Variants in ZMYM4 observed in about 807,000 individuals in gnomAD.
ZMYM4 encodes the protein zinc finger MYM-type containing 4, also known as zinc finger MYM-type protein 4.
A neutral mutation model predicts 183.2 loss-of-function variants in ZMYM4; 31 were observed. The observed-to-expected ratio is 0.17, with a 90% CI of 0.13 to 0.23. ZMYM4 has a LOEUF of 0.23. Among genes scored for constraint, ZMYM4 ranks in the 10% least tolerant of loss-of-function variants. The probability of loss-of-function intolerance (pLI) is 1.00; values close to 1 mark genes in which losing one functional copy is unlikely to be tolerated. For synonymous variants in ZMYM4, 592 were observed against 631.2 expected (o/e 0.94, Z 0.93); for missense variants, 1,273 against 1,840.3 (o/e 0.69, Z 5.64).
chr1:35,269,116 G>A (rs1368567203), intron 1 of ZMYM4, 31 bp downstream of exon 1: 4 of 1,543,738 alleles, frequency 2.6e-6, no homozygotes. Flanking sequence ...CTCGGGCGGC[G>A]GGGGGCGGGG....
At chr1:35,401,699 C>T (rs1644912058) in intron 23 of ZMYM4, among the ~76,000 whole-genome samples, 1 of 152,082 alleles carries the variant, frequency 6.6e-6, no homozygotes, top group South Asian at 2.1e-4. Flanking sequence ...CTCATAGTAA[C>T]TAAGACATTC....
At chr1:35,391,636 G>T (rs943754985) in intron 15 of ZMYM4, among the ~76,000 whole-genome samples, 1 of 152,200 alleles carries the variant, frequency 6.6e-6, no homozygotes, top group African/African-American at 2.4e-5. Flanking sequence ...CATTGGTATT[G>T]TGTGTTTGAG....
At chr1:35,355,585 T>C (rs185858883) in intron 2 of ZMYM4, among the ~76,000 whole-genome samples, 16 of 152,304 alleles carry the variant, frequency 1.1e-4, no homozygotes, top group African/African-American at 3.8e-4. Flanking sequence ...AAATAAAACC[T>C]TTTAAATCAG....
At chr1:35,370,918 G>A (rs939829927) in intron 7 of ZMYM4, 2 of 261,792 alleles carry the variant, frequency 7.6e-6, no homozygotes, top group African/African-American at 2.2e-5. Context: ...AACAAAAAGT[G>A]CACATTTAGG....
intron 7 of ZMYM4, among the ~76,000 whole-genome samples, chr1:35,377,617 T>C (rs1644363294): frequency 6.6e-6 from 1 of 152,260 alleles, no homozygotes; most frequent in South Asian, 2.1e-4. Flanking sequence ...GTGTTTATAC[T>C]GTAGTCTGTG....
intron 2 of ZMYM4, among the ~76,000 whole-genome samples, chr1:35,346,482 C>A (rs1405435467): frequency 6.6e-6 from 1 of 151,910 alleles, no homozygotes; most frequent in African/African-American, 2.4e-5. Flanking sequence ...GAAACCCTGC[C>A]TGTACTACAA....
rs1558150658 is a variant in ZMYM4 at position 35,390,019 on chromosome 1, A to G, written c.2508A>G (p.Lys836=). 1 of 1,613,964 alleles carries G rather than the reference A, an allele frequency of 6.2e-7. No homozygotes were observed. The highest frequency in any genetic ancestry group is 1.3e-5 in the African/African-American group (1 of 75,014). Residue 836 remains lysine, a synonymous_variant, in exon 15 of 30, where the codon AAA becomes AAG. Transcript: ENST00000314607. ...SESLKWRGEM[K]HFCNLLCILM... ...CCTTGAAATGGCGAGGGGAAATGAA[A>G]CATTTCTGTAACCTGCTTTGTATCT...
rs538583464 is a variant in ZMYM4, at chr1:35,372,843, A to T, written c.1181+2216A>T. 2.0e-5 allele frequency among the ~76,000 whole-genome samples: 3 copies of T among 152,316 alleles called. No individual in the cohort carries two copies. The South Asian group carries it at 6.2e-4, about 32-fold the overall frequency. On this transcript the variant is annotated intron_variant, in intron 7 of 29. Coordinates refer to ENST00000314607, the MANE Select transcript of ZMYM4 (RefSeq NM_005095.3). ...AGCATTTTGGATTTCTGGATTAGGG[A>T]TACTCAGCCTGTTCTTTAAAATATG... is the stretch of plus-strand genomic sequence containing the variant.
intron 5 of ZMYM4, among the ~76,000 whole-genome samples, chr1:35,365,410 A>C (rs973449200): frequency 6.6e-6 from 1 of 152,096 alleles, no homozygotes; most frequent in Admixed American, 6.5e-5. Flanking sequence ...CATTCAGTAA[A>C]TACTACATTA....
chr1:35,405,263 G>T (rs1324581371), intron 24 of ZMYM4, 69 bp downstream of exon 24: 9 of 1,583,698 alleles, frequency 5.7e-6, no homozygotes, highest in Non-Finnish European at 7.7e-6. Flanking sequence ...TACTGAAAAG[G>T]GATACATTTT....
At chr1:35,375,619 A>T (rs2148950127) in intron 7 of ZMYM4, among the ~76,000 whole-genome samples, 1 of 152,328 alleles carries the variant, frequency 6.6e-6, no homozygotes, top group South Asian at 2.1e-4. Flanking sequence ...AGCAGCACTT[A>T]GGTTAGAAGA....
chr1:35,362,163 G>A (rs570858066), intron 5 of ZMYM4, among the ~76,000 whole-genome samples: 2 of 152,288 alleles, frequency 1.3e-5, no homozygotes, highest in South Asian at 2.1e-4. Flanking sequence ...TGAAGTACAG[G>A]CTATATATGG....
At chr1:35,364,412 A>G (rs1288252092) in intron 5 of ZMYM4, among the ~76,000 whole-genome samples, 1 of 152,154 alleles carries the variant, frequency 6.6e-6, no homozygotes, top group Non-Finnish European at 1.5e-5. Context: ...AATCCCCCAG[A>G]GCAGCTCTCA....
chr1:35,281,588 T>G (rs1417825570), intron 1 of ZMYM4, among the ~76,000 whole-genome samples: 1 of 151,884 alleles, frequency 6.6e-6, no homozygotes, highest in East Asian at 1.9e-4. Context: ...TACATACGTG[T>G]GTATCAAAAC....
At chr1:35,305,689 A>G (rs1009024465) in intron 1 of ZMYM4, among the ~76,000 whole-genome samples, 2 of 151,974 alleles carry the variant, frequency 1.3e-5, no homozygotes, top group Non-Finnish European at 2.9e-5. Context: ...AACTACAGGT[A>G]CACACCACTG....
intron 25 of ZMYM4, among the ~76,000 whole-genome samples, chr1:35,407,647 T>C (rs1211636970): frequency 6.6e-6 from 1 of 152,176 alleles, no homozygotes; most frequent in Non-Finnish European, 1.5e-5. Context: ...TTTTTGTGTA[T>C]CCTCAGATTG....
rs1227501763 is a variant in ZMYM4, at chr1:35,269,078, G to A, written c.32G>A (p.Arg11Gln). The A allele has an allele frequency of 7.7e-6, 12 of 1,549,376 alleles. No individual in the cohort carries two copies. Among genetic ancestry groups the A allele is most frequent in the South Asian group, 1.2e-5 (1 of 83,972 alleles). ...GAGAGAGAGGTGGAGTCCGGCCCCC[G>A]AAAGAGGGTAGGTGAGGTGAGGCAG... MAEREVESGP[R>Q]KRFEQKSGAV... is the part of the protein sequence containing the mutation. Residue 11 changes from arginine (R) to glutamine (Q), a missense_variant, in exon 1 of 30, where the codon CGA (arginine) becomes CAA (glutamine). Physicochemically the swap from Arg to Gln is conservative, Grantham distance 43 (BLOSUM62 1). Coordinates refer to ENST00000314607, the MANE Select transcript of ZMYM4 (RefSeq NM_005095.3).
chr1:35,359,386 T>G lies in ZMYM4; in HGVS notation c.547T>G (p.Leu183Val). Residue 183 changes from leucine to valine, a missense_variant, in exon 3 of 30, where the codon TTG (leucine) becomes GTG (valine). Leu to Val is a conservative substitution (Grantham distance 32). Around this residue, in one of 6 missense-constraint regions of ZMYM4, gnomAD observed 384 missense variants for 465.6 expected, o/e 0.82. Transcript: ENST00000314607. ...CCTAACTTATGAACGTGAAAAACGG[T>G]TGGATAAACCCCATAAAGATTTGGA... ...RDLTYEREKR[L>V]DKPHKDLDSR... The G allele has an allele frequency of 5.6e-6, 9 of 1,594,702 alleles. No individual in the cohort carries two copies. Among genetic ancestry groups the G allele is most frequent in the Non-Finnish European group, 7.7e-6 (9 of 1,174,958 alleles).
rs1173400246 is a variant in ZMYM4, at chr1:35,420,595, GT to G, written c.*922del. The stretch of plus-strand genomic sequence containing the variant: ...CCCCAATGGCAGCTTTTCTCCCGTT[GT>G]TTTACCTTCCTATTTCCCAAACAGT... On this transcript the variant is annotated 3_prime_UTR_variant, in exon 30 of 30. Coordinates refer to ENST00000314607, the MANE Select transcript of ZMYM4 (RefSeq NM_005095.3). The G allele has an allele frequency of 6.6e-6, 1 of 152,454 alleles. No homozygotes were observed. Among genetic ancestry groups the G allele is most frequent in the Non-Finnish European group, 1.5e-5 (1 of 67,992 alleles). 9.4% of individuals were successfully genotyped at this position (152,454 alleles called of 1,614,324 possible). A position where few individuals can be genotyped will look rare whatever the true frequency, so the allele number is the denominator to read the frequency against.
Sources: gnomAD v4.1 joint callset for allele counts (sites outside exome capture counted in the v4.1 genomes callset) on GRCh38, gnomAD v4.1.1 for gene constraint, gnomAD v4.1.1 regional missense constraint, MANE v1.5 for transcripts, NCBI Gene and HGNC (gene_info 2026-07-23, HGNC 2026-07-21) for gene names.